Variants in RBFOX1 observed in about 807,000 individuals in gnomAD.
The protein encoded by RBFOX1 is RNA binding fox-1 homolog 1, also known as RNA binding protein fox-1 homolog 1.
RBFOX1 carries 8 observed loss-of-function variants against 57.7 expected under a neutral mutation model. The observed-to-expected ratio is 0.14, with a 90% confidence interval of 0.08 to 0.25. The LOEUF (loss-of-function observed/expected upper bound fraction) is 0.25, where lower values mean the gene tolerates loss of function less well. Among genes scored for constraint, RBFOX1 ranks in the 10% least tolerant of loss-of-function variants. The probability of loss-of-function intolerance (pLI) is 1.00; values close to 1 mark genes in which losing one functional copy is unlikely to be tolerated. For synonymous variants in RBFOX1, 326 were observed against 222.4 expected, an observed-to-expected ratio of 1.47 and a Z score of -4.15; for missense variants, 611 against 548.5, an observed-to-expected ratio of 1.11 and a Z score of -1.14.
At chr16:5,557,353 C>T (rs1358211770) in intron 2 of RBFOX1, among the ~76,000 whole-genome samples, 1 of 152,070 alleles carries the variant, frequency 6.6e-6, no homozygotes, top group Non-Finnish European at 1.5e-5. Flanking sequence ...TGGCACTGTG[C>T]AAGGCAGACA....
intron 3 of RBFOX1, among the ~76,000 whole-genome samples, chr16:5,760,610 G>A (rs1189399719): frequency 1.3e-5 from 2 of 152,144 alleles, no homozygotes; most frequent in Non-Finnish European, 2.9e-5. Context: ...GATGAACCTT[G>A]AAAACATGAT....
At chr16:6,712,247 T>C (rs990780355) in intron 3 of RBFOX1, among the ~76,000 whole-genome samples, 6 of 152,178 alleles carry the variant, frequency 3.9e-5, no homozygotes, top group African/African-American at 1.4e-4. Context: ...GGAACTCTGC[T>C]ATGAACCCTT....
chr16:6,494,817 C>T (rs540400471), intron 2 of RBFOX1, among the ~76,000 whole-genome samples: 17 of 152,278 alleles, frequency 1.1e-4, no homozygotes, highest in South Asian at 4.1e-4. Context: ...ATTGTACCCA[C>T]GTCTTAATGT....
intron 3 of RBFOX1, among the ~76,000 whole-genome samples, chr16:5,703,721 T>A (rs1204323445): frequency 1.3e-5 from 2 of 152,198 alleles, no homozygotes; most frequent in Non-Finnish European, 2.9e-5. Context: ...TTGCATAATT[T>A]TTTTACAAGT....
chr16:6,266,312 C>T (rs373035280), intron 1 of RBFOX1, among the ~76,000 whole-genome samples: 36 of 152,350 alleles, frequency 2.4e-4, no homozygotes, highest in East Asian at 1.7e-3. Context: ...GTTGTTACTG[C>T]AGCGTCTAGC....
intron 1 of RBFOX1, among the ~76,000 whole-genome samples, chr16:6,074,009 T>A (rs1811318): frequency 6.6e-6 from 1 of 151,768 alleles, no homozygotes; most frequent in African/African-American, 2.4e-5. Flanking sequence ...AGTGCAGGGG[T>A]GCAATCTCAG....
intron 3 of RBFOX1, among the ~76,000 whole-genome samples, chr16:5,627,876 T>C (rs1287092830): frequency 6.6e-6 from 1 of 152,234 alleles, no homozygotes; most frequent in Non-Finnish European, 1.5e-5. Context: ...TCATGGATTT[T>C]AGTATCCACA....
chr16:7,434,678 G>T (rs1226959781), intron 4 of RBFOX1, among the ~76,000 whole-genome samples: 1 of 151,804 alleles, frequency 6.6e-6, no homozygotes, highest in Non-Finnish European at 1.5e-5. Flanking sequence ...CAGAAAAGTT[G>T]TAAAGACAGT....
At chr16:7,548,571 A>G (rs542347590) in intron 5 of RBFOX1, among the ~76,000 whole-genome samples, 3 of 152,328 alleles carry the variant, frequency 2.0e-5, no homozygotes, top group Admixed American at 6.5e-5. Flanking sequence ...CTGTGAACCA[A>G]TGCAAGGGGC....
intron 4 of RBFOX1, among the ~76,000 whole-genome samples, chr16:7,226,599 G>T (rs928973094): frequency 6.6e-6 from 1 of 152,202 alleles, no homozygotes; most frequent in Non-Finnish European, 1.5e-5. Context: ...TTCTTTCCTG[G>T]AACAGTGTTA....
intron 3 of RBFOX1, among the ~76,000 whole-genome samples, chr16:5,668,404 T>C (rs1028970864): frequency 4.6e-5 from 7 of 152,156 alleles, no homozygotes; most frequent in African/African-American, 1.7e-4. Flanking sequence ...AACACAGAGC[T>C]TTAGAAACCT....
chr16:5,500,159 C>T (rs1358474950), intron 2 of RBFOX1, among the ~76,000 whole-genome samples: 19 of 140,270 alleles, frequency 1.4e-4, no homozygotes, highest in Admixed American at 1.3e-3. Context: ...CCTTCCTCCC[C>T]TCCCACTCCC....
At chr16:7,642,634 T>C (rs1323971747) in intron 11 of RBFOX1, among the ~76,000 whole-genome samples, 7 of 152,204 alleles carry the variant, frequency 4.6e-5, no homozygotes, top group African/African-American at 1.7e-4. Flanking sequence ...GATTTAACAA[T>C]TGAAACTTCA....
At chr16:7,341,087 G>A (rs1477699201) in intron 4 of RBFOX1, among the ~76,000 whole-genome samples, 1 of 151,956 alleles carries the variant, frequency 6.6e-6, no homozygotes, top group Non-Finnish European at 1.5e-5. Context: ...GCTTTTCCTG[G>A]GTGATTTATG....
intron 4 of RBFOX1, among the ~76,000 whole-genome samples, chr16:5,883,940 A>T (rs777382345): frequency 6.6e-6 from 1 of 152,208 alleles, no homozygotes; most frequent in Non-Finnish European, 1.5e-5. Context: ...AGAAATGAGG[A>T]TAGATGGGTA....
At chr16:7,699,915 C>CA (rs1467397619) in intron 14 of RBFOX1, among the ~76,000 whole-genome samples, 1 of 152,068 alleles carries the variant, frequency 6.6e-6, no homozygotes, top group Non-Finnish European at 1.5e-5. Flanking sequence ...GGGGGATGTT[C>CA]ACCAGGAGTT....
chr16:6,409,657 G>T (rs995217980), intron 2 of RBFOX1, among the ~76,000 whole-genome samples: 1 of 152,070 alleles, frequency 6.6e-6, no homozygotes, highest in African/African-American at 2.4e-5. Context: ...AAATAATATG[G>T]TCCCCAAATG....
At chr16:6,106,679 T>G (rs898375336) in intron 1 of RBFOX1, among the ~76,000 whole-genome samples, 1 of 152,150 alleles carries the variant, frequency 6.6e-6, no homozygotes, top group East Asian at 1.9e-4. Context: ...CTTCTTTTCC[T>G]TTTTTTGAGA....
chr16:6,764,507 T>C (rs570842514), intron 3 of RBFOX1, among the ~76,000 whole-genome samples: 6 of 152,334 alleles, frequency 3.9e-5, no homozygotes, highest in African/African-American at 1.2e-4. Context: ...CGGATGCTTA[T>C]TGAATGTCCA....
Sources: allele counts gnomAD v4.1 joint callset (sites outside exome capture counted in the v4.1 genomes callset), GRCh38; gene constraint gnomAD v4.1.1; transcripts MANE v1.5; gene names NCBI Gene and HGNC (gene_info 2026-07-23, HGNC 2026-07-21).